The following UPRT variants were observed in gnomAD, a reference collection of about 807,000 sequenced individuals.
UPRT encodes RP11-311P8.3.
UPRT carries 5 observed loss-of-function variants against 22.6 expected under a neutral mutation model. The ratio of observed to expected loss-of-function variants is 0.22; its 90% confidence interval spans 0.12 to 0.47. The LOEUF is 0.47. Ranked by LOEUF, UPRT falls within the 20% of genes least tolerant of loss-of-function variation. UPRT has a pLI of 0.99. For missense variants in UPRT, 181 were observed against 239.9 expected (o/e 0.75, Z 1.62); for synonymous variants, 77 against 87.7 (o/e 0.88, Z 0.68).
intron 4 of UPRT, among the ~76,000 whole-genome samples, chrX:75,205,777 C>T (rs955424670): frequency 9.0e-6 from 1 of 111,601 alleles, no homozygotes; most frequent in Non-Finnish European, 1.9e-5. Context: ...TAAGCATTTG[C>T]GTGCTGTCTT....
chrX:75,209,436 T>G (rs760231573), intron 4 of UPRT, among the ~76,000 whole-genome samples: 9 of 111,723 alleles, frequency 8.1e-5, no homozygotes, highest in Non-Finnish European at 7.5e-5. Context: ...TGCAATGGCA[T>G]GATCTCAGCT....
chrX:75,184,117 A>G (rs1203217544), intron 4 of UPRT, among the ~76,000 whole-genome samples: 3 of 111,311 alleles, frequency 2.7e-5, no homozygotes, highest in Non-Finnish European at 5.7e-5. Context: ...GTCCTGAATG[A>G]TAATGCCTAG....
At chrX:75,231,133 G>A (rs763851012) in intron 4 of UPRT, among the ~76,000 whole-genome samples, 1 of 111,479 alleles carries the variant, frequency 9.0e-6, no homozygotes, top group East Asian at 2.8e-4. Flanking sequence ...GAATTCAGAA[G>A]GTTGATTATT....
At chrX:75,174,083 G>A (rs192821204) in intron 4 of UPRT, among the ~76,000 whole-genome samples, 27 of 112,176 alleles carry the variant, frequency 2.4e-4, no homozygotes, top group African/African-American at 6.1e-4. Context: ...CTCAAATGCC[G>A]CCAAACTGGG....
At chrX:75,184,997 T>C (rs1569261037) in intron 4 of UPRT, among the ~76,000 whole-genome samples, 1 of 111,269 alleles carries the variant, frequency 9.0e-6, no homozygotes, top group Admixed American at 9.6e-5. Flanking sequence ...CTTTTCCTAA[T>C]TGAATACCCT....
chrX:75,167,758 TG>T (rs1288042856), intron 3 of UPRT, among the ~76,000 whole-genome samples: 1 of 110,052 alleles, frequency 9.1e-6, no homozygotes, highest in East Asian at 2.8e-4. Context: ...GCTTGTTTTT[TG>T]TTTTTTTTTT....
intron 4 of UPRT, among the ~76,000 whole-genome samples, chrX:75,228,430 A>G (rs1244257589): frequency 9.0e-6 from 1 of 111,460 alleles, no homozygotes. Flanking sequence ...GTTGTACAGT[A>G]TCCATCACAT....
chrX:75,180,697 T>TTTTTTTTTTTTTTTTTTTTTG (rs2082267291), intron 4 of UPRT, among the ~76,000 whole-genome samples: 1 of 14,959 alleles, frequency 6.7e-5, no homozygotes, highest in Non-Finnish European at 3.1e-4. Context: ...TTTTTTTTGT[T>TTTTTTTTTTTTTTTTTTTTTG]TTTTTTTTTT....
intron 4 of UPRT, among the ~76,000 whole-genome samples, chrX:75,240,592 A>T (rs1348421616): frequency 8.9e-6 from 1 of 111,753 alleles, no homozygotes; most frequent in East Asian, 2.8e-4. Context: ...TAAAATTTAT[A>T]TGGAACAAAG....
chrX:75,292,699 A>G (rs775524372), intron 1 of UPRT, among the ~76,000 whole-genome samples: 1 of 111,767 alleles, frequency 8.9e-6, no homozygotes, highest in African/African-American at 3.2e-5. Flanking sequence ...CATTTAACTT[A>G]TATGGAAGAA....
At chrX:75,192,751 A>T (rs2082319931) in intron 4 of UPRT, among the ~76,000 whole-genome samples, 1 of 111,586 alleles carries the variant, frequency 9.0e-6, no homozygotes, top group African/African-American at 3.3e-5. Flanking sequence ...CATTAGTTAA[A>T]ATCTGTTTTC....
At chrX:75,187,348 G>A (rs1456343610) in intron 4 of UPRT, among the ~76,000 whole-genome samples, 3 of 111,215 alleles carry the variant, frequency 2.7e-5, no homozygotes, top group Non-Finnish European at 5.7e-5. Context: ...TTGAATATTG[G>A]CCCCCACTCT....
intron 4 of UPRT, among the ~76,000 whole-genome samples, chrX:75,187,792 C>A (rs2082299666): frequency 8.9e-6 from 1 of 111,976 alleles, no homozygotes; most frequent in African/African-American, 3.2e-5. Context: ...ATTGCTGATA[C>A]CCTTTCTTCC....
chrX:75,191,832 G>C (rs2082316271), intron 4 of UPRT, among the ~76,000 whole-genome samples: 2 of 111,831 alleles, frequency 1.8e-5, no homozygotes, highest in Non-Finnish European at 1.9e-5. Context: ...GGGTGGGAGT[G>C]ACCCTATTTT....
At chrX:75,248,156 C>A (rs1012820492) in intron 4 of UPRT, among the ~76,000 whole-genome samples, 13 of 111,720 alleles carry the variant, frequency 1.2e-4, no homozygotes, top group Non-Finnish European at 2.1e-4. Flanking sequence ...AATCAGAACA[C>A]CTCTCCTCCT....
intron 1 of UPRT, among the ~76,000 whole-genome samples, chrX:75,282,996 C>A (rs1053626609): frequency 8.9e-6 from 1 of 111,778 alleles, no homozygotes; most frequent in Non-Finnish European, 1.9e-5. Context: ...GATAGTTTTC[C>A]ATTGGACAAG....
At chrX:75,170,753 T>C (rs2082225261) in intron 4 of UPRT, among the ~76,000 whole-genome samples, 1 of 111,596 alleles carries the variant, frequency 9.0e-6, no homozygotes, top group African/African-American at 3.3e-5. Context: ...CCTTTTAGTA[T>C]TTCTTGTAGT....
intron 3 of UPRT, among the ~76,000 whole-genome samples, 164 bp from the exon 4 acceptor site, chrX:75,297,327 A>G (rs2082729341): frequency 8.9e-6 from 1 of 112,102 alleles, no homozygotes; most frequent in African/African-American, 3.2e-5. Flanking sequence ...TAACTGAAAA[A>G]TCATGACTCA....
chrX:75,254,619 A>T (rs1328411652), intron 4 of UPRT, among the ~76,000 whole-genome samples: 1 of 112,152 alleles, frequency 8.9e-6, no homozygotes, highest in Non-Finnish European at 1.9e-5. Context: ...GGAATAATTG[A>T]GGAAAACTTC....
Sources: allele counts gnomAD v4.1 joint callset (sites outside exome capture counted in the v4.1 genomes callset), GRCh38; gene constraint gnomAD v4.1.1; transcripts MANE v1.5; gene names NCBI Gene and HGNC (gene_info 2026-07-23, HGNC 2026-07-21).